The following GTF2E2 variants were observed in gnomAD, a reference collection of about 807,000 sequenced individuals.
GTF2E2 encodes the protein transcription initiation factor IIE subunit beta.
GTF2E2 carries 21 observed loss-of-function variants against 40.5 expected under a neutral mutation model. That is an observed-to-expected ratio of 0.52 (90% CI 0.37 to 0.75). The LOEUF is 0.75. Ranked by LOEUF, GTF2E2 falls within the 30% of genes least tolerant of loss-of-function variation. The pLI is 0.00. For synonymous variants in GTF2E2, 117 were observed against 121.6 expected, an observed-to-expected ratio of 0.96 and a Z score of 0.25; for missense variants, 298 against 338.4, an observed-to-expected ratio of 0.88 and a Z score of 0.94.
At chr8:30,611,450 T>G (rs186257160) in intron 5 of GTF2E2, among the ~76,000 whole-genome samples, 1 of 151,896 alleles carries the variant, frequency 6.6e-6, no homozygotes, top group Non-Finnish European at 1.5e-5. Flanking sequence ...CAAAAGATAC[T>G]TGTCACGAAT....
At chr8:30,599,088 A>G (rs554960407) in intron 6 of GTF2E2, among the ~76,000 whole-genome samples, 15 of 152,354 alleles carry the variant, frequency 9.8e-5, no homozygotes, top group South Asian at 2.1e-4. Context: ...ATTTATGAGG[A>G]CATGAAGAAA....
chr8:30,601,757 C>T (rs1345491249), intron 6 of GTF2E2, among the ~76,000 whole-genome samples: 1 of 152,190 alleles, frequency 6.6e-6, no homozygotes, highest in Admixed American at 6.5e-5. Context: ...ACAATGTATA[C>T]TGTACACAGA....
At chr8:30,647,915 A>G (rs1173954045) in intron 2 of GTF2E2, among the ~76,000 whole-genome samples, 1 of 152,168 alleles carries the variant, frequency 6.6e-6, no homozygotes, top group Non-Finnish European at 1.5e-5. Context: ...TGCTTACTAC[A>G]TGTCAGCAAT....
At chr8:30,604,961 CA>C (rs1829280618) in intron 6 of GTF2E2, among the ~76,000 whole-genome samples, 1 of 152,162 alleles carries the variant, frequency 6.6e-6, no homozygotes, top group South Asian at 2.1e-4. Flanking sequence ...AAAGAGCACA[CA>C]AGGGCCAGAA....
chr8:30,584,332 T>C (rs953543199), intron 6 of GTF2E2, among the ~76,000 whole-genome samples: 2 of 151,812 alleles, frequency 1.3e-5, no homozygotes, highest in East Asian at 1.9e-4. Context: ...TGTTTTATTA[T>C]AGAATGGTAT....
At chr8:30,622,080 C>T (rs1233019440) in intron 3 of GTF2E2, among the ~76,000 whole-genome samples, 2 of 151,314 alleles carry the variant, frequency 1.3e-5, no homozygotes, top group African/African-American at 4.9e-5. Flanking sequence ...CCCACTAACT[C>T]GTCCTTTACA....
chr8:30,637,459 TCTATGCATTC>T (rs1314448873), intron 2 of GTF2E2, among the ~76,000 whole-genome samples: 1 of 152,208 alleles, frequency 6.6e-6, no homozygotes, highest in East Asian at 1.9e-4. Context: ...TACAGATATT[TCTATGCATTC>T]CTTTATGGCC....
intron 2 of GTF2E2, among the ~76,000 whole-genome samples, chr8:30,652,042 CTT>C (rs1486468259): frequency 6.6e-6 from 1 of 152,156 alleles, no homozygotes; most frequent in Non-Finnish European, 1.5e-5. Context: ...AATTTTGACT[CTT>C]ATGCTAATCC....
At chr8:30,580,120 G>A (rs1327291560) in intron 7 of GTF2E2, among the ~76,000 whole-genome samples, 161 bp downstream of exon 7, 2 of 152,130 alleles carry the variant, frequency 1.3e-5, no homozygotes, top group South Asian at 2.1e-4. Context: ...CAGCACCGAG[G>A]GCGGGTCTGC....
chr8:30,579,116 A>G (rs985369473), intron 7 of GTF2E2, 79 bp from the exon 8 acceptor site: 14 of 798,608 alleles, frequency 1.8e-5, no homozygotes, highest in African/African-American at 1.5e-4. Context: ...GAGCATGCCC[A>G]GATGCCAGTG....
At chr8:30,623,373 A>T (rs946646148) in intron 3 of GTF2E2, among the ~76,000 whole-genome samples, 2 of 152,038 alleles carry the variant, frequency 1.3e-5, no homozygotes, top group Non-Finnish European at 2.9e-5. Flanking sequence ...AAGGACATGA[A>T]CTCATCATTT....
intron 3 of GTF2E2, among the ~76,000 whole-genome samples, chr8:30,624,004 C>T (rs889447065): frequency 1.3e-4 from 19 of 151,852 alleles, no homozygotes; most frequent in Non-Finnish European, 2.5e-4. Context: ...GTGCAGAAGC[C>T]CTTTAGTTTA....
chr8:30,618,377 G>A (rs1800986747), intron 3 of GTF2E2, among the ~76,000 whole-genome samples: 1 of 152,098 alleles, frequency 6.6e-6, no homozygotes, highest in South Asian at 2.1e-4. Flanking sequence ...TAGTAGTAAA[G>A]TGGCTCCTTC....
chr8:30,651,210 AT>A, intron 2 of GTF2E2, among the ~76,000 whole-genome samples: 1 of 152,158 alleles, frequency 6.6e-6, no homozygotes, highest in East Asian at 1.9e-4. Flanking sequence ...GGCAAGATAA[AT>A]AAAAATTAAA....
Position 30,653,479 on chromosome 8 carries a change from TTTC to T in GTF2E2, c.117_119del (p.Lys40del), listed in dbSNP as rs780181514. The stretch of plus-strand genomic sequence containing the variant: ...ACGATCCTCCATGTTCTACCTTTGT[TTTC>T]TTCTTCTTTGACGATGATGATGATG... On this transcript the variant is annotated inframe_deletion, in exon 2 of 8. Coordinates refer to ENST00000355904, the MANE Select transcript of GTF2E2 (RefSeq NM_002095.6). The T allele has an allele frequency of 2.0e-5, 32 of 1,613,868 alleles. No individual in the cohort carries two copies. Among genetic ancestry groups the T allele is most frequent in the Non-Finnish European group, 2.4e-5 (28 of 1,179,872 alleles).
intron 6 of GTF2E2, among the ~76,000 whole-genome samples, chr8:30,590,898 C>T (rs981057404): frequency 5.3e-5 from 8 of 152,044 alleles, no homozygotes; most frequent in Admixed American, 3.9e-4. Context: ...GCCATGTTGG[C>T]CAAGCTGGTC....
intron 6 of GTF2E2, among the ~76,000 whole-genome samples, chr8:30,588,183 A>G (rs1431183934): frequency 6.6e-6 from 1 of 152,102 alleles, no homozygotes; most frequent in Admixed American, 6.5e-5. Context: ...AAAACTAATA[A>G]CTAGATTATC....
chr8:30,605,634 T>C (rs992132727), intron 6 of GTF2E2, among the ~76,000 whole-genome samples: 3 of 152,180 alleles, frequency 2.0e-5, no homozygotes, highest in Non-Finnish European at 4.4e-5. Flanking sequence ...GATTTTTTTT[T>C]TTTTGAGCTC....
intron 4 of GTF2E2, among the ~76,000 whole-genome samples, 199 bp downstream of exon 4, chr8:30,614,409 G>A (rs1201161008): frequency 1.3e-5 from 2 of 151,906 alleles, no homozygotes; most frequent in Admixed American, 1.3e-4. Context: ...GTGAAACCCC[G>A]TCTCTACTAA....
Sources: allele counts gnomAD v4.1 joint callset (sites outside exome capture counted in the v4.1 genomes callset), GRCh38; gene constraint gnomAD v4.1.1; transcripts MANE v1.5; gene names NCBI Gene and HGNC (gene_info 2026-07-23, HGNC 2026-07-21).